Variants in PTPN3 observed in about 807,000 individuals in gnomAD.
PTPN3 encodes protein tyrosine phosphatase non-receptor type 3, also known as tyrosine-protein phosphatase non-receptor type 3.
PTPN3 carries 96 observed loss-of-function variants against 132.7 expected under a neutral mutation model. The observed-to-expected ratio is 0.72, with a 90% CI of 0.61 to 0.86. The LOEUF (loss-of-function observed/expected upper bound fraction) is 0.86, where lower values mean the gene tolerates loss of function less well. Ranked by LOEUF, PTPN3 falls within the 40% of genes least tolerant of loss-of-function variation. PTPN3 has a pLI of 0.00. For missense variants in PTPN3, 1,125 were observed against 1,159.6 expected, an observed-to-expected ratio of 0.97 and a Z score of 0.43; for synonymous variants, 398 against 429.0, an observed-to-expected ratio of 0.93 and a Z score of 0.89.
chr9:109,457,471 CA>C, intron 2 of PTPN3, 72 bp from the exon 3 acceptor site: 2 of 1,180,004 alleles, frequency 1.7e-6, no homozygotes, highest in Non-Finnish European at 2.5e-6. Flanking sequence ...TTACTGTAGG[CA>C]AAAAAGAGTT....
In PTPN3 at chr9:109,381,730, A is replaced by G; in HGVS notation, c.2586T>C (p.Thr862=). 6.2e-7 allele frequency: 1 copy of G among 1,614,214 alleles called. No individual in the cohort carries two copies. Among genetic ancestry groups the G allele is most frequent in the Non-Finnish European group, 8.5e-7 (1 of 1,180,008 alleles). ...GTGGGTAAATGGGCAGGTTCCTCTC[A>G]GTTAGGCACATGGCTGTTTCCATAG... ...LVTMETAMCL[T]ERNLPIYPLD... is the part of the protein sequence containing the mutation. Residue 862 remains threonine (T), a synonymous_variant, in exon 25 of 26, where the codon ACT becomes ACC. Transcript: ENST00000374541.
intron 7 of PTPN3, among the ~76,000 whole-genome samples, chr9:109,438,684 C>T (rs563694630): frequency 1.3e-5 from 2 of 152,284 alleles, no homozygotes; most frequent in African/African-American, 4.8e-5. Flanking sequence ...GACCAATCTG[C>T]TCTAAAAACT....
At chr9:109,489,272 G>A (rs546569805) in intron 1 of PTPN3, among the ~76,000 whole-genome samples, 1 of 152,292 alleles carries the variant, frequency 6.6e-6, no homozygotes, top group African/African-American at 2.4e-5. Context: ...GGTGAGAGCT[G>A]ACAAAAGGCC....
intron 10 of PTPN3, among the ~76,000 whole-genome samples, chr9:109,432,649 C>T (rs181541804): frequency 1.7e-4 from 26 of 152,304 alleles, no homozygotes; most frequent in Non-Finnish European, 3.1e-4. Context: ...CAGTTGTACA[C>T]GTCTTTGGGT....
rs118146638 is a variant in PTPN3, at chr9:109,444,021, G to A, written c.466+1219C>T. On this transcript the variant is annotated intron_variant, in intron 7 of 25. Transcript: ENST00000374541. ...ATAGGCAGACCTAGGGCCACCTCAG[G>A]AGTCCGTCAGCCTTCTCTTGCTATT... 1.5e-3 allele frequency among the ~76,000 whole-genome samples: 227 copies of A among 152,238 alleles called. 1 individual carries two copies. The highest frequency in any genetic ancestry group is 2.8e-3 in the Non-Finnish European group (189 of 68,030).
At position 109,410,288 on chromosome 9, in the gene PTPN3, A is replaced by G; in HGVS notation, c.1441T>C (p.Phe481Leu). 6.2e-7 allele frequency: 1 copy of G among 1,614,140 alleles called. No individual in the cohort carries two copies. The highest frequency in any genetic ancestry group is 8.5e-7 in the Non-Finnish European group (1 of 1,180,002). The change falls in exon 15 of 26, where the codon TTC becomes CTC. Residue 481 changes from phenylalanine to leucine, a missense_variant. Coordinates refer to ENST00000374541, the MANE Select transcript of PTPN3 (RefSeq NM_002829.4). ...DGVDQQLLDD[F>L]HRVTKGGSTE... is the part of the protein sequence containing the mutation. ...GAGCCCCCTTTGGTCACCCTGTGGA[A>G]GTCATCTAAGAGCTGCTGATCAACG...
At chr9:109,472,165 C>T (rs1245263151) in intron 1 of PTPN3, among the ~76,000 whole-genome samples, 1 of 152,214 alleles carries the variant, frequency 6.6e-6, no homozygotes, top group East Asian at 1.9e-4. Flanking sequence ...AACAGGAAAA[C>T]TGCCATCATT....
At chr9:109,526,218 A>T in the PTPN3 span, among the ~76,000 whole-genome samples, 3,727 of 152,302 alleles carry the variant, frequency 0.024, 158 homozygotes, top group African/African-American at 0.085. Context: ...AGTAAAGAAG[A>T]CTAAAATAAA....
rs1421432832 is a variant in PTPN3, at chr9:109,448,853, T to C, written c.371A>G (p.His124Arg). Residue 124 changes from histidine to arginine, a missense_variant and splice_region_variant, in exon 6 of 26, where the codon CAC becomes CGC. Coordinates refer to ENST00000374541, the MANE Select transcript of PTPN3 (RefSeq NM_002829.4). ...PNTLQQEQTRHLYFLQLKMDI... is the reference protein window; with the variant it reads ...PNTLQQEQTRRLYFLQLKMDI... ...CATCTTCAGTTGTAAGAAATACAAG[T>C]GCCTATGAAACAATTGTTTTCATTA... 1.3e-6 allele frequency: 2 copies of C among 1,591,232 alleles called. No homozygotes were observed.
the PTPN3 span, among the ~76,000 whole-genome samples, chr9:109,524,369 A>AACTTCACCCC: frequency 0.056 from 3,853 of 69,022 alleles, 909 homozygotes; most frequent in East Asian, 0.21. Flanking sequence ...TGAAGGAGGT[A>AACTTCACCCC]CTATTATTCC....
chr9:109,480,827 C>T (rs765247793), intron 1 of PTPN3, among the ~76,000 whole-genome samples: 1 of 152,156 alleles, frequency 6.6e-6, no homozygotes, highest in Non-Finnish European at 1.5e-5. Flanking sequence ...AAAATCTCAC[C>T]ACTGCCGCAC....
chr9:109,401,705 G>C lies in PTPN3; in HGVS notation c.1953+2743C>G, dbSNP rs1338565892. On this transcript the variant is annotated intron_variant, in intron 19 of 25. Transcript: ENST00000374541. ...GGCTGAAGGACGGTGGTCACCTAGAGGCATTGCCCAGGATCTGCACTGCGC... is the reference window on the plus strand; with the variant it reads ...GGCTGAAGGACGGTGGTCACCTAGACGCATTGCCCAGGATCTGCACTGCGC... Among the ~76,000 whole-genome samples, 4 of 152,174 alleles carry C rather than the reference G, an allele frequency of 2.6e-5. No homozygotes were observed. In the East Asian group the frequency reaches 7.7e-4, roughly 29 times the overall value.
chr9:109,381,525 G>A (rs571090646), intron 25 of PTPN3, 127 bp downstream of exon 25: 18 of 1,364,608 alleles, frequency 1.3e-5, no homozygotes, highest in Middle Eastern at 2.6e-4. Context: ...CAAGCTCTGT[G>A]ACCTTGGGCA....
intron 18 of PTPN3, among the ~76,000 whole-genome samples, chr9:109,404,910 A>G (rs1841433885): frequency 6.6e-6 from 1 of 152,156 alleles, no homozygotes; most frequent in South Asian, 2.1e-4. Context: ...AAAAAAGCAT[A>G]TTGTTTCTGC....
At chr9:109,468,711 A>G (rs1428054203) in intron 1 of PTPN3, among the ~76,000 whole-genome samples, 2 of 152,262 alleles carry the variant, frequency 1.3e-5, no homozygotes, top group African/African-American at 4.8e-5. Context: ...AAATACAGCA[A>G]GAGGCAACAC....
the PTPN3 span, among the ~76,000 whole-genome samples, chr9:109,504,878 C>CCCT: frequency 6.6e-6 from 1 of 152,208 alleles, no homozygotes; most frequent in Non-Finnish European, 1.5e-5. Context: ...CCGAAACAAT[C>CCCT]GCCTTCCCTG....
intron 2 of PTPN3, among the ~76,000 whole-genome samples, chr9:109,460,049 T>C (rs1006157579): frequency 6.6e-6 from 1 of 152,272 alleles, no homozygotes; most frequent in Middle Eastern, 3.4e-3. Flanking sequence ...GTACCATTCC[T>C]ATACTGCTAC....
the PTPN3 span, among the ~76,000 whole-genome samples, chr9:109,525,350 A>T: frequency 6.6e-6 from 1 of 152,194 alleles, no homozygotes; most frequent in African/African-American, 2.4e-5. Flanking sequence ...GAGCCACTGC[A>T]CCTAGCTGTT....
intron 10 of PTPN3, among the ~76,000 whole-genome samples, chr9:109,430,269 G>C (rs1588412043): frequency 6.6e-6 from 1 of 152,136 alleles, no homozygotes; most frequent in Non-Finnish European, 1.5e-5. Flanking sequence ...CTCCCCTTTT[G>C]AGTTCTTACC....
Sources: allele counts gnomAD v4.1 joint callset (sites outside exome capture counted in the v4.1 genomes callset), GRCh38; gene constraint gnomAD v4.1.1; transcripts MANE v1.5; gene names NCBI Gene and HGNC (gene_info 2026-07-23, HGNC 2026-07-21).